FUT8: variants seen among roughly 807,000 people sequenced by gnomAD.
The protein encoded by FUT8 is fucosyltransferase 8, also known as alpha-(1,6)-fucosyltransferase.
Under a neutral mutation model 71.3 loss-of-function variants are expected in FUT8, and 29 were observed. The observed-to-expected ratio is 0.41, with a 90% CI of 0.30 to 0.55. The LOEUF is 0.55. Among genes scored for constraint, FUT8 ranks in the 20% least tolerant of loss-of-function variants. FUT8 has a pLI of 0.34. For synonymous variants in FUT8, 254 were observed against 239.3 expected (o/e 1.06, Z -0.57); for missense variants, 544 against 702.1 (o/e 0.77, Z 2.55).
At chr14:65,560,373 G>T (rs188175658) in intron 2 of FUT8, among the ~76,000 whole-genome samples, 1 of 152,072 alleles carries the variant, frequency 6.6e-6, no homozygotes, top group Non-Finnish European at 1.5e-5. Flanking sequence ...TAGAGATGGG[G>T]TTTCACCATC....
chr14:65,625,212 G>A (rs917956719), intron 5 of FUT8, among the ~76,000 whole-genome samples: 4 of 152,164 alleles, frequency 2.6e-5, no homozygotes, highest in Non-Finnish European at 2.9e-5. Flanking sequence ...AATAATGAGT[G>A]TGATGAGGGT....
At chr14:65,363,768 T>A in the FUT8 span, among the ~76,000 whole-genome samples, 11 of 152,184 alleles carry the variant, frequency 7.2e-5, no homozygotes, top group Non-Finnish European at 1.6e-4. Context: ...CACTCCCCAC[T>A]CTTCATCAAA....
chr14:65,516,608 T>A (rs1191828228), intron 2 of FUT8, among the ~76,000 whole-genome samples: 2 of 152,234 alleles, frequency 1.3e-5, no homozygotes, highest in Non-Finnish European at 2.9e-5. Context: ...TTTTTGTAAC[T>A]ATTTTATTAA....
intron 3 of FUT8, among the ~76,000 whole-genome samples, chr14:65,585,182 A>T (rs1345847211): frequency 6.6e-6 from 1 of 151,846 alleles, no homozygotes; most frequent in Non-Finnish European, 1.5e-5. Context: ...TTATTTATTT[A>T]TTTTAATTTT....
At chr14:65,525,205 G>T (rs1883366271) in intron 2 of FUT8, among the ~76,000 whole-genome samples, 1 of 132,906 alleles carries the variant, frequency 7.5e-6, no homozygotes, top group Non-Finnish European at 1.6e-5. Flanking sequence ...GACTTTTTTT[G>T]GTTGGTAGGC....
At chr14:65,661,361 AT>A (rs1324010138) in intron 6 of FUT8, among the ~76,000 whole-genome samples, 1 of 152,156 alleles carries the variant, frequency 6.6e-6, no homozygotes, top group Non-Finnish European at 1.5e-5. Context: ...ATTTATTTTT[AT>A]GACTATGGAC....
intron 1 of FUT8, among the ~76,000 whole-genome samples, chr14:65,445,531 T>C (rs951272109): frequency 9.2e-5 from 14 of 152,318 alleles, no homozygotes; most frequent in African/African-American, 3.4e-4. Flanking sequence ...TTCTGTATCC[T>C]GAGTATGGAT....
At chr14:65,686,434 A>C (rs1490822807) in intron 7 of FUT8, among the ~76,000 whole-genome samples, 7 of 152,242 alleles carry the variant, frequency 4.6e-5, no homozygotes, top group Non-Finnish European at 8.8e-5. Context: ...AATGAAAGAA[A>C]GCACCCATTA....
intron 3 of FUT8, among the ~76,000 whole-genome samples, chr14:65,598,315 C>A (rs1353382061): frequency 2.6e-5 from 4 of 152,012 alleles, no homozygotes; most frequent in Non-Finnish European, 4.4e-5. Context: ...CTCTGCCACC[C>A]AGGTTCAAGT....
intron 7 of FUT8, among the ~76,000 whole-genome samples, chr14:65,691,931 TC>T (rs1458968492): frequency 1.3e-5 from 2 of 152,160 alleles, no homozygotes; most frequent in Admixed American, 6.5e-5. Flanking sequence ...AGGTCATAGA[TC>T]AACAGGATCC....
At chr14:65,519,410 T>C (rs1364849667) in intron 2 of FUT8, among the ~76,000 whole-genome samples, 1 of 152,232 alleles carries the variant, frequency 6.6e-6, no homozygotes, top group African/African-American at 2.4e-5. Context: ...ATTCCTTTAA[T>C]GTAAGGTTAT....
At chr14:65,384,122 G>A in the FUT8 span, among the ~76,000 whole-genome samples, 1 of 151,282 alleles carries the variant, frequency 6.6e-6, no homozygotes, top group South Asian at 2.1e-4. This position sits in a 1 kb window ranked among gnomAD's most constrained non-coding sequence, Gnocchi z 4.2. Flanking sequence ...AACCACCAAG[G>A]ATAGTCAGTT....
In FUT8 at chr14:65,492,072, C is replaced by T. The variant is rs980269616; in HGVS notation, c.-228+36354C>T. Among the ~76,000 whole-genome samples the T allele has an allele frequency of 4.6e-5, 7 of 152,214 alleles. No homozygotes were observed. The South Asian group carries it at 8.3e-4, about 18-fold the overall frequency. On this transcript the variant is annotated intron_variant, in intron 2 of 10. Coordinates refer to ENST00000673929, the MANE Select transcript of FUT8 (RefSeq NM_001371533.1). ...ATTAGTTACTTGGACTTGTGAGCTT[C>T]AGTTACTTAGCAAAAAATGAGATTA...
chr14:65,680,565 T>G (rs1441127524), intron 7 of FUT8, among the ~76,000 whole-genome samples: 1 of 152,224 alleles, frequency 6.6e-6, no homozygotes, highest in Non-Finnish European at 1.5e-5. Context: ...ATCCTTACAC[T>G]TTAAATTTTT....
intron 1 of FUT8, among the ~76,000 whole-genome samples, chr14:65,434,049 A>G (rs1368319175): frequency 6.6e-6 from 1 of 152,202 alleles, no homozygotes; most frequent in Non-Finnish European, 1.5e-5. Flanking sequence ...TACTGAAAAT[A>G]ACTGAAGGCC....
intron 3 of FUT8, among the ~76,000 whole-genome samples, chr14:65,585,392 G>A (rs1436947731): frequency 6.6e-6 from 1 of 152,074 alleles, no homozygotes; most frequent in Non-Finnish European, 1.5e-5. Flanking sequence ...TTGCCATGTT[G>A]CTCAGGCTGG....
intron 2 of FUT8, among the ~76,000 whole-genome samples, chr14:65,559,200 A>T (rs1423695978): frequency 6.6e-6 from 1 of 152,044 alleles, no homozygotes; most frequent in Non-Finnish European, 1.5e-5. Context: ...TTGGTTGTTT[A>T]TCTCAGTTGT....
the FUT8 span, among the ~76,000 whole-genome samples, chr14:65,401,895 TAAAAAA>T: frequency 1.9e-5 from 2 of 105,264 alleles, no homozygotes; most frequent in Admixed American, 1.1e-4. Flanking sequence ...AGACCCTGTC[TAAAAAA>T]AAAAAAAAAA....
chr14:65,727,156 GT>G (rs1163569568), intron 9 of FUT8, among the ~76,000 whole-genome samples: 1 of 152,166 alleles, frequency 6.6e-6, no homozygotes, highest in African/African-American at 2.4e-5. Context: ...CAGGTGCATG[GT>G]GCAAGCTGTT....
Sources: allele counts gnomAD v4.1 joint callset (sites outside exome capture counted in the v4.1 genomes callset), GRCh38; gene constraint gnomAD v4.1.1; non-coding constraint Gnocchi (gnomAD v3.1); transcripts MANE v1.5; gene names NCBI Gene and HGNC (gene_info 2026-07-23, HGNC 2026-07-21).